The following ACOX3 variants were observed in gnomAD, a reference collection of about 807,000 sequenced individuals.
The protein encoded by ACOX3 is acyl-CoA oxidase 3, pristanoyl, also known as peroxisomal acyl-coenzyme A oxidase 3.
In ACOX3, 73 loss-of-function variants were observed where a neutral mutation model predicts 81.5. The observed-to-expected ratio is 0.90, with a 90% confidence interval of 0.74 to 1.09. The LOEUF is 1.09. Ranked by LOEUF, ACOX3 falls within the 50% of genes least tolerant of loss-of-function variation. The probability of loss-of-function intolerance (pLI) is 0.00; values close to 1 mark genes in which losing one functional copy is unlikely to be tolerated. For missense variants in ACOX3, 947 were observed against 928.0 expected (o/e 1.02, Z -0.27); for synonymous variants, 387 against 375.1 (o/e 1.03, Z -0.37).
intron 17 of ACOX3, among the ~76,000 whole-genome samples, chr4:8,369,811 G>C (rs986439578): frequency 6.6e-6 from 1 of 152,252 alleles, no homozygotes; most frequent in African/African-American, 2.4e-5. Flanking sequence ...AGGTGCTTCA[G>C]CAGAAATAAC....
At position 8,384,200 on chromosome 4, in the gene ACOX3, G is replaced by A. The variant is rs1462633991; in HGVS notation, c.1538-2593C>T. Among the ~76,000 whole-genome samples, 1 of 152,212 alleles carries A rather than the reference G, an allele frequency of 6.6e-6. No homozygotes were observed. Among genetic ancestry groups the A allele is most frequent in the African/African-American group, 2.4e-5 (1 of 41,448 alleles). ...GGCTTCAAGTGAGAGGGACGCTTGA[G>A]AAATGAGTTATGTTTGCACTGTGTT... On this transcript the variant is annotated intron_variant, in intron 13 of 17. Coordinates refer to ENST00000356406, the MANE Select transcript of ACOX3 (RefSeq NM_003501.3). This position sits in a 1 kb window ranked among gnomAD's most constrained non-coding sequence, Gnocchi z 5.3.
chr4:8,420,024 G>C (rs375969937), intron 1 of ACOX3, among the ~76,000 whole-genome samples: 1 of 152,192 alleles, frequency 6.6e-6, no homozygotes, highest in East Asian at 1.9e-4. Context: ...CTGTGTGCAG[G>C]TGACTGTGTT....
At position 8,386,108 on chromosome 4, in the gene ACOX3, G is replaced by A. The variant is rs1277470955; in HGVS notation, c.1537+3065C>T. The stretch of plus-strand genomic sequence containing the variant: ...AGTCTCAGGGGAAGGGGAGGGAAGA[G>A]CAGAGCGTGATGGGCACATGGAGAA... On this transcript the variant is annotated intron_variant, in intron 13 of 17. Transcript: ENST00000356406. This position sits in a 1 kb window ranked among gnomAD's most constrained non-coding sequence, Gnocchi z 5.2. 6.6e-6 allele frequency among the ~76,000 whole-genome samples: 1 copy of A among 152,208 alleles called. No homozygotes were observed. The highest frequency in any genetic ancestry group is 2.4e-5 in the African/African-American group (1 of 41,452).
Position 8,414,528 on chromosome 4 carries a change from G to A in ACOX3, c.454-147C>T. 3.8e-6 allele frequency: 3 copies of A among 786,512 alleles called. No homozygotes were observed. The South Asian group carries it at 5.0e-5, about 13-fold the overall frequency. 48.7% of individuals were successfully genotyped at this position (786,512 alleles called of 1,614,324 possible). ...TCTACCCAACTAGTGACTTGACTGAGTCATGCTGCCACACTCAGCTGGCAA... is the reference window on the plus strand; with the variant it reads ...TCTACCCAACTAGTGACTTGACTGAATCATGCTGCCACACTCAGCTGGCAA... On this transcript the variant is annotated intron_variant, in intron 4 of 17. Transcript: ENST00000356406. The surrounding 1 kb of genome is among the most constrained non-coding windows in gnomAD (Gnocchi z 6.1).
rs772688486 is a variant in ACOX3, at chr4:8,386,982, A to G, written c.1537+2191T>C. Among the ~76,000 whole-genome samples, 35 of 152,228 alleles carry G rather than the reference A, an allele frequency of 2.3e-4. No individual in the cohort carries two copies. Among genetic ancestry groups the G allele is most frequent in the Non-Finnish European group, 3.5e-4 (24 of 68,026 alleles). ...GCCTGTCCCCTGCATGAGGGAGGCC[A>G]GTGCTCCCTCCTCCCGAGGATCCAG... is the stretch of plus-strand genomic sequence containing the variant. On this transcript the variant is annotated intron_variant, in intron 13 of 17. Coordinates refer to ENST00000356406, the MANE Select transcript of ACOX3 (RefSeq NM_003501.3). This position sits in a 1 kb window ranked among gnomAD's most constrained non-coding sequence, Gnocchi z 5.2.
At position 8,396,513 on chromosome 4, in the gene ACOX3, C is replaced by T. The variant is rs367818726; in HGVS notation, c.1056+424G>A. 1.1e-4 allele frequency among the ~76,000 whole-genome samples: 16 copies of T among 152,134 alleles called. No homozygotes were observed. In the East Asian group the frequency reaches 2.9e-3, roughly 28 times the overall value. On this transcript the variant is annotated intron_variant, in intron 9 of 17. Transcript: ENST00000356406. ...CCAAAACAGCAGAACCCTGTCTCTA[C>T]TAACAATACAAAAATTAGCCGGGCA...
intron 1 of ACOX3, among the ~76,000 whole-genome samples, chr4:8,425,739 T>C (rs1304893012): frequency 1.3e-5 from 2 of 151,484 alleles, no homozygotes; most frequent in Non-Finnish European, 1.5e-5. Context: ...AGGCCTTTCC[T>C]TGTAGGACAG....
In ACOX3 at chr4:8,370,851, C is replaced by G; in HGVS notation, c.1983+57G>C. ...CTGACCCACAGGAGCATCTCAGCTC[C>G]GCAGAAATGCCCATCAACCCTTGGG... On this transcript the variant is annotated intron_variant, in intron 17 of 17. Transcript: ENST00000356406. This position sits in a 1 kb window ranked among gnomAD's most constrained non-coding sequence, Gnocchi z 6.3. 1 of 1,508,094 alleles carries G rather than the reference C, an allele frequency of 6.6e-7. No individual in the cohort carries two copies. Among genetic ancestry groups the G allele is most frequent in the Non-Finnish European group, 9.2e-7 (1 of 1,087,896 alleles). The allele number at this position is 1,508,094 out of a possible 1,614,324, so 93.4% of individuals were successfully genotyped here.
chr4:8,412,321 C>T (rs1030556976), intron 5 of ACOX3, among the ~76,000 whole-genome samples: 4 of 152,254 alleles, frequency 2.6e-5, no homozygotes, highest in African/African-American at 7.2e-5. Flanking sequence ...TGCTGGGCTA[C>T]GGGTCCGCTT....
chr4:8,357,311 G>A, the ACOX3 span: 1 of 452,722 alleles, frequency 2.2e-6, no homozygotes, highest in Admixed American at 2.4e-5. Flanking sequence ...TGGGGCAGGG[G>A]CAAATCACTG....
At chr4:8,424,738 A>C (rs1430547573) in intron 1 of ACOX3, among the ~76,000 whole-genome samples, 1 of 152,246 alleles carries the variant, frequency 6.6e-6, no homozygotes, top group East Asian at 1.9e-4. Context: ...CAATGAAGAA[A>C]AGATAAAACA....
intron 7 of ACOX3, among the ~76,000 whole-genome samples, chr4:8,403,053 G>C (rs940795870): frequency 2.0e-4 from 31 of 152,300 alleles, no homozygotes; most frequent in African/African-American, 7.2e-4. Flanking sequence ...TAAGAGTCTG[G>C]CTGAAACTAT....
chr4:8,376,293 AAAC>A (rs1472008431), intron 14 of ACOX3, among the ~76,000 whole-genome samples: 1 of 152,104 alleles, frequency 6.6e-6, no homozygotes, highest in Admixed American at 6.5e-5. Context: ...TAAATTAGGA[AAAC>A]AACACACGCA....
intron 1 of ACOX3, among the ~76,000 whole-genome samples, chr4:8,425,904 A>G (rs1201478268): frequency 6.6e-6 from 1 of 152,086 alleles, no homozygotes; most frequent in Non-Finnish European, 1.5e-5. Context: ...TATCACTTAC[A>G]CTGCGCCTGG....
At position 8,399,997 on chromosome 4, in the gene ACOX3, A is replaced by T. The variant is rs1720190697; in HGVS notation, c.777-345T>A. On this transcript the variant is annotated intron_variant, in intron 7 of 17. Transcript: ENST00000356406. This position sits in a 1 kb window ranked among gnomAD's most constrained non-coding sequence, Gnocchi z 4.9. ...TGTGGTGGCTTACGCCTGTAATCCC[A>T]GCACTTTGGGAGGCCGAGGTGGGTG... is the stretch of plus-strand genomic sequence containing the variant. Among the ~76,000 whole-genome samples the T allele has an allele frequency of 6.6e-6, 1 of 152,196 alleles. No individual in the cohort carries two copies. The highest frequency in any genetic ancestry group is 1.5e-5 in the Non-Finnish European group (1 of 68,036).
In ACOX3 at chr4:8,377,258, A is replaced by G. The variant is rs115362104; in HGVS notation, c.1654-2106T>C. On this transcript the variant is annotated intron_variant, in intron 14 of 17. Coordinates refer to ENST00000356406, the MANE Select transcript of ACOX3 (RefSeq NM_003501.3). ...AATCTGAGTGAGCCCTGTGCCCCGC[A>G]CCACTCTCCCCGTCGCCTGCACAGT... is the stretch of plus-strand genomic sequence containing the variant. 5.1e-3 allele frequency among the ~76,000 whole-genome samples: 776 copies of G among 152,274 alleles called. 6 individuals are homozygous for G. The highest frequency in any genetic ancestry group is 0.017 in the African/African-American group (720 of 41,552).
Position 8,383,935 on chromosome 4 carries a change from C to T in ACOX3, c.1538-2328G>A, listed in dbSNP as rs374455031. Among the ~76,000 whole-genome samples the T allele has an allele frequency of 1.4e-4, 22 of 152,334 alleles. No homozygotes were observed. The East Asian group carries it at 3.1e-3, about 21-fold the overall frequency. On this transcript the variant is annotated intron_variant, in intron 13 of 17. Transcript: ENST00000356406. ...CAGCAACAAAACCAAGGAAACGGTC[C>T]GGCCAGAAACCACTTGTGCAAATTC...
rs527243304 is a variant in ACOX3 at position 8,389,024 on chromosome 4, G to C, written c.1537+149C>G. The C allele has an allele frequency of 1.6e-6, 1 of 641,290 alleles. No homozygotes were observed. Among genetic ancestry groups the C allele is most frequent in the Non-Finnish European group, 2.8e-6 (1 of 360,970 alleles). The allele number at this position is 641,290 out of a possible 1,614,324, so 39.7% of individuals were successfully genotyped here. A position where few individuals can be genotyped will look rare whatever the true frequency, so the allele number is the denominator to read the frequency against. On this transcript the variant is annotated intron_variant, in intron 13 of 17. Transcript: ENST00000356406. This position sits in a 1 kb window ranked among gnomAD's most constrained non-coding sequence, Gnocchi z 5.3. ...GCACAAAGAGATAGTCCATGAGCCA[G>C]CCCAGGACAAGCTGCATGCGGGGCC...
Position 8,384,306 on chromosome 4 carries a change from G to A in ACOX3, c.1538-2699C>T, listed in dbSNP as rs1195479604. Among the ~76,000 whole-genome samples, 1 of 152,194 alleles carries A rather than the reference G, an allele frequency of 6.6e-6. No individual in the cohort carries two copies. Among genetic ancestry groups the A allele is most frequent in the Non-Finnish European group, 1.5e-5 (1 of 68,032 alleles). On this transcript the variant is annotated intron_variant, in intron 13 of 17. Transcript: ENST00000356406. This position sits in a 1 kb window ranked among gnomAD's most constrained non-coding sequence, Gnocchi z 5.3. ...CAGTCTGATGTGTTCATGTGCAGGG[G>A]AGAAGATCCCCAAAAAGCACATGAA...
Sources: allele counts gnomAD v4.1 joint callset (sites outside exome capture counted in the v4.1 genomes callset), GRCh38; gene constraint gnomAD v4.1.1; non-coding constraint Gnocchi (gnomAD v3.1); transcripts MANE v1.5; gene names NCBI Gene and HGNC (gene_info 2026-07-23, HGNC 2026-07-21).